BMPER: variants seen among roughly 807,000 people sequenced by gnomAD.
BMPER encodes the protein BMP binding endothelial regulator, also known as BMP-binding endothelial regulator protein.
BMPER carries 45 observed loss-of-function variants against 87.3 expected under a neutral mutation model. That is an observed-to-expected ratio of 0.52 (90% CI 0.41 to 0.66). BMPER has a LOEUF of 0.66. BMPER is among the 30% of genes least tolerant of loss of function. The pLI is 0.00. For synonymous variants in BMPER, 326 were observed against 316.2 expected, an observed-to-expected ratio of 1.03 and a Z score of -0.33; for missense variants, 784 against 867.5, an observed-to-expected ratio of 0.90 and a Z score of 1.21.
intron 6 of BMPER, among the ~76,000 whole-genome samples, chr7:33,999,363 A>G (rs1786514986): frequency 6.6e-6 from 1 of 152,250 alleles, no homozygotes; most frequent in Non-Finnish European, 1.5e-5. Context: ...AACAATTTCA[A>G]GCTTTAAAAA....
At chr7:34,049,155 C>G (rs576554304) in intron 7 of BMPER, among the ~76,000 whole-genome samples, 138 of 152,238 alleles carry the variant, frequency 9.1e-4, no homozygotes, top group Non-Finnish European at 1.5e-3. Context: ...AATGGAGAGT[C>G]TCAGCACAGG....
intron 13 of BMPER, among the ~76,000 whole-genome samples, chr7:34,131,714 A>G (rs536094324): frequency 1.6e-4 from 24 of 152,336 alleles, no homozygotes; most frequent in Middle Eastern, 3.4e-3. Context: ...GGAGGTGGCC[A>G]TGGCCAACAC....
chr7:34,085,585 A>C (rs2127976882), intron 12 of BMPER, among the ~76,000 whole-genome samples, 171 bp from the exon 13 acceptor site: 1 of 152,240 alleles, frequency 6.6e-6, no homozygotes, highest in East Asian at 1.9e-4. Flanking sequence ...AGATAATTTC[A>C]CACATTATTC....
chr7:34,032,058 T>G (rs921034234), intron 6 of BMPER, among the ~76,000 whole-genome samples: 1 of 150,292 alleles, frequency 6.7e-6, no homozygotes, highest in Non-Finnish European at 1.5e-5. Flanking sequence ...ATTTACTATG[T>G]GCCAGATACT....
intron 13 of BMPER, among the ~76,000 whole-genome samples, chr7:34,132,461 C>T (rs10272282): frequency 0.6 from 90,190 of 150,108 alleles, 28,256 homozygotes; most frequent in East Asian, 0.85. Context: ...CAAAGGCCTC[C>T]GGATCGAAGC....
chr7:33,982,629 G>A (rs1785894364), intron 6 of BMPER, among the ~76,000 whole-genome samples: 1 of 152,150 alleles, frequency 6.6e-6, no homozygotes, highest in Admixed American at 6.5e-5. Flanking sequence ...GTGAATCTTG[G>A]TGTTTTATGT....
chr7:34,087,899 C>T (rs186276936), intron 13 of BMPER, among the ~76,000 whole-genome samples: 9 of 152,174 alleles, frequency 5.9e-5, no homozygotes, highest in East Asian at 3.9e-4. Flanking sequence ...TTTTTGCCTT[C>T]GGTGATTTAT....
intron 6 of BMPER, among the ~76,000 whole-genome samples, chr7:34,007,796 A>T (rs562588901): frequency 1.3e-5 from 2 of 151,962 alleles, no homozygotes; most frequent in Admixed American, 1.3e-4. Flanking sequence ...TCATTTCTGA[A>T]TATATTTCTT....
chr7:34,065,197 A>ACTCTCT (rs1562720393), intron 11 of BMPER, among the ~76,000 whole-genome samples: 5 of 129,316 alleles, frequency 3.9e-5, no homozygotes, highest in African/African-American at 1.5e-4. Flanking sequence ...ACACACATAC[A>ACTCTCT]CACTCACTCT....
At chr7:33,933,367 C>T (rs1464188135) in intron 2 of BMPER, among the ~76,000 whole-genome samples, 2 of 151,238 alleles carry the variant, frequency 1.3e-5, no homozygotes, top group African/African-American at 2.4e-5. Context: ...GGCTGGCAAC[C>T]GTAGAAAGAG....
chr7:33,941,695 G>A (rs1445410098), intron 3 of BMPER, among the ~76,000 whole-genome samples: 1 of 152,180 alleles, frequency 6.6e-6, no homozygotes, highest in African/African-American at 2.4e-5. Context: ...GACAGGAGGC[G>A]GAGCTCAGGC....
intron 11 of BMPER, among the ~76,000 whole-genome samples, 199 bp from the exon 12 acceptor site, chr7:34,078,658 A>G (rs1416873632): frequency 6.6e-6 from 1 of 152,218 alleles, no homozygotes; most frequent in Non-Finnish European, 1.5e-5. Context: ...ATGACTTTCA[A>G]GTATAAAAGA....
chr7:33,925,314 C>T (rs1585642037), intron 2 of BMPER, among the ~76,000 whole-genome samples: 2 of 152,140 alleles, frequency 1.3e-5, no homozygotes, highest in Admixed American at 1.3e-4. Context: ...TTTGCTTTTT[C>T]GGTCATGATG....
At chr7:34,100,396 G>A (rs185249452) in intron 13 of BMPER, among the ~76,000 whole-genome samples, 1 of 152,150 alleles carries the variant, frequency 6.6e-6, no homozygotes, top group Non-Finnish European at 1.5e-5. Flanking sequence ...GAGCTAAAAA[G>A]GATGGGTAGG....
At chr7:34,086,895 G>C (rs1789226837) in intron 13 of BMPER, among the ~76,000 whole-genome samples, 1 of 152,120 alleles carries the variant, frequency 6.6e-6, no homozygotes, top group African/African-American at 2.4e-5. Flanking sequence ...TTTAACCACT[G>C]TGGGTGTGGG....
At chr7:34,128,211 A>G (rs1052993162) in intron 13 of BMPER, among the ~76,000 whole-genome samples, 3 of 152,114 alleles carry the variant, frequency 2.0e-5, no homozygotes, top group African/African-American at 4.8e-5. Flanking sequence ...CCTGGGTAAA[A>G]CTTATTTTTT....
intron 6 of BMPER, among the ~76,000 whole-genome samples, chr7:34,001,514 C>G (rs1048021337): frequency 1.3e-5 from 2 of 150,010 alleles, no homozygotes; most frequent in Non-Finnish European, 3.0e-5. Flanking sequence ...CTACAGTCAG[C>G]AGCAATATTC....
rs192385424 is a variant in BMPER at position 34,053,489 on chromosome 7, A to G, written c.786+1519A>G. 2.6e-3 allele frequency among the ~76,000 whole-genome samples: 402 copies of G among 152,294 alleles called. 1 individual carries two copies. The highest frequency in any genetic ancestry group is 0.02 in the Middle Eastern group (6 of 294). On this transcript the variant is annotated intron_variant, in intron 8 of 14. Transcript: ENST00000649409. ...ATCCATGTCTAATTTTTGACTCCTTATAGACTTAACTAATAGCCTACTGTT... is the reference window on the plus strand; with the variant it reads ...ATCCATGTCTAATTTTTGACTCCTTGTAGACTTAACTAATAGCCTACTGTT...
intron 13 of BMPER, among the ~76,000 whole-genome samples, chr7:34,094,380 TG>T (rs1562739649): frequency 6.6e-6 from 1 of 152,068 alleles, no homozygotes; most frequent in Non-Finnish European, 1.5e-5. Context: ...GGGGTGGGCC[TG>T]GGGGTGGCCG....
Sources: gnomAD v4.1 joint callset for allele counts (sites outside exome capture counted in the v4.1 genomes callset) on GRCh38, gnomAD v4.1.1 for gene constraint, MANE v1.5 for transcripts, NCBI Gene and HGNC (gene_info 2026-07-23, HGNC 2026-07-21) for gene names.